Variants in NBPF4 observed in about 807,000 individuals in gnomAD.
NBPF4 encodes the protein NBPF member 4, also known as NBPF family member NBPF4.
Under a neutral mutation model 21.1 loss-of-function variants are expected in NBPF4, and 11 were observed. The observed-to-expected ratio is 0.52, with a 90% CI of 0.33 to 0.86. The LOEUF is 0.86. NBPF4 is among the 40% of genes least tolerant of loss of function. The pLI is 0.03. For synonymous variants in NBPF4, 47 were observed against 106.4 expected, an observed-to-expected ratio of 0.44 and a Z score of 3.43; for missense variants, 88 against 265.3, an observed-to-expected ratio of 0.33 and a Z score of 4.64.
chr1:108,244,914 A>ATG (rs1649783051), upstream of NBPF4, among the ~76,000 whole-genome samples: 1 of 35,938 alleles, frequency 2.8e-5, no homozygotes, highest in Non-Finnish European at 5.2e-5. Context: ...ATATATATAT[A>ATG]TATATATATA....
At chr1:108,266,101 G>A in the NBPF4 span, among the ~76,000 whole-genome samples, 3 of 127,622 alleles carry the variant, frequency 2.4e-5, no homozygotes, top group Non-Finnish European at 3.2e-5. Context: ...GAAGGAGATA[G>A]AAACATGAAA....
Position 108,241,321 on chromosome 1 carries a change from A to AATAT in NBPF4, c.279-161_279-158dup, listed in dbSNP as rs3069056. On this transcript the variant is annotated intron_variant, in intron 3 of 14. Transcript: ENST00000415641. Reference sequence around the variant, plus strand: ...AATGTCTGTGGCCAAGAGAAAGAAGAATATATATATATATATATACACACA... The same window carrying AATAT: ...AATGTCTGTGGCCAAGAGAAAGAAGAATATATATATATATATATATATACACACA... Among the ~76,000 whole-genome samples, 216 of 124,492 alleles carry AATAT rather than the reference A, an allele frequency of 1.7e-3. 20 individuals are homozygous for AATAT. The highest frequency in any genetic ancestry group is 5.9e-3 in the African/African-American group (193 of 32,446). 81.7% of individuals were successfully genotyped at this position (124,492 alleles called of 152,430 possible).
upstream of NBPF4, among the ~76,000 whole-genome samples, chr1:108,247,977 C>CTT (rs1450807036): frequency 1.3e-5 from 2 of 151,382 alleles, no homozygotes; most frequent in African/African-American, 4.9e-5. Flanking sequence ...CCATTTCTGG[C>CTT]TATTTTTTTT....
rs1290408390 is a variant in NBPF4, at chr1:108,229,159, G to A, written c.1424-3C>T. The A allele has an allele frequency of 5.9e-6, 9 of 1,538,174 alleles. No individual in the cohort carries two copies. The East Asian group carries it at 7.4e-5, about 13-fold the overall frequency. ...GGGACAGGCCGCCTCGGTGGGGGCT[G>A]AAAGGAGAAGGGGCTTCAGTAGGAA... On this transcript the variant is annotated splice_polypyrimidine_tract_variant and splice_region_variant and intron_variant, in intron 12 of 14. Coordinates refer to ENST00000415641, the MANE Select transcript of NBPF4 (RefSeq NM_001143989.3).
chr1:108,225,032 G>A (rs1649429305), intron 14 of NBPF4, among the ~76,000 whole-genome samples: 4 of 121,454 alleles, frequency 3.3e-5, no homozygotes, highest in African/African-American at 1.2e-4. Flanking sequence ...AAATGGGTGT[G>A]GGGAAATGTA....
chr1:108,244,941 TATATATACAC>T (rs1420273018), upstream of NBPF4, among the ~76,000 whole-genome samples: 274 of 37,144 alleles, frequency 7.4e-3, 36 homozygotes, highest in African/African-American at 0.024. Flanking sequence ...TATATATATA[TATATATACAC>T]ACACATATAG....
At chr1:108,264,356 A>G in the NBPF4 span, among the ~76,000 whole-genome samples, 2 of 103,114 alleles carry the variant, frequency 1.9e-5, no homozygotes, top group African/African-American at 8.6e-5. Flanking sequence ...CTAAATATAC[A>G]TGCACCCAAT....
At chr1:108,223,777 T>C (rs1309871179) in intron 14 of NBPF4, 31 bp from the exon 15 acceptor site, 3 of 1,544,084 alleles carry the variant, frequency 1.9e-6, no homozygotes, top group Non-Finnish European at 2.6e-6. Context: ...AAAAATCAAA[T>C]GAGCATTTTT....
At chr1:108,223,914 A>G (rs1649395994) in intron 14 of NBPF4, among the ~76,000 whole-genome samples, 168 bp from the exon 15 acceptor site, 1 of 151,752 alleles carries the variant, frequency 6.6e-6, no homozygotes, top group East Asian at 1.9e-4. Context: ...CACCATCCAC[A>G]AGTGAGAAGA....
At chr1:108,241,496 G>A (rs1571328132) in intron 3 of NBPF4, among the ~76,000 whole-genome samples, 3 of 147,114 alleles carry the variant, frequency 2.0e-5, no homozygotes, top group Non-Finnish European at 3.0e-5. Flanking sequence ...ACAAAAGTTA[G>A]TGTCTTCCTA....
At position 108,223,521 on chromosome 1, in the gene NBPF4, G is replaced by T. The variant is rs1349128587; in HGVS notation, c.*184C>A. The stretch of plus-strand genomic sequence containing the variant: ...TCTCCCTAGGTATTGATCACAATTG[G>T]AGGGGGATGGAATGTGGCTTCTCAA... On this transcript the variant is annotated 3_prime_UTR_variant, in exon 15 of 15. Coordinates refer to ENST00000415641, the MANE Select transcript of NBPF4 (RefSeq NM_001143989.3). The T allele has an allele frequency of 1.8e-5, 12 of 682,018 alleles. No individual in the cohort carries two copies. The highest frequency in any genetic ancestry group is 2.8e-5 in the Non-Finnish European group (11 of 386,152). 42.2% of individuals were successfully genotyped at this position (682,018 alleles called of 1,614,324 possible).
In NBPF4 at chr1:108,223,436, G is replaced by A. The variant is rs1039247362; in HGVS notation, c.*269C>T. 17 of 409,280 alleles carry A rather than the reference G, an allele frequency of 4.2e-5. No homozygotes were observed. Among genetic ancestry groups the A allele is most frequent in the Non-Finnish European group, 7.1e-5 (16 of 224,062 alleles). The allele number at this position is 409,280 out of a possible 1,614,324, so 25.4% of individuals were successfully genotyped here. On this transcript the variant is annotated 3_prime_UTR_variant, in exon 15 of 15. Coordinates refer to ENST00000415641, the MANE Select transcript of NBPF4 (RefSeq NM_001143989.3). ...AGCTGCGGACTCCTGTTCTCTACAC[G>A]ATGGGAATTGAGAAACAGGGCTAAC...
chr1:108,265,842 T>G, the NBPF4 span, among the ~76,000 whole-genome samples: 3 of 32,398 alleles, frequency 9.3e-5, no homozygotes, highest in Non-Finnish European at 1.6e-4. Context: ...ATTGAACAAT[T>G]AGAACACATG....
intron 14 of NBPF4, among the ~76,000 whole-genome samples, chr1:108,226,174 T>C (rs1441258136): frequency 6.7e-6 from 1 of 148,720 alleles, no homozygotes; most frequent in Non-Finnish European, 1.5e-5. Flanking sequence ...TGCTTAGTTT[T>C]AACACTTCTC....
At chr1:108,257,909 C>T in the NBPF4 span, among the ~76,000 whole-genome samples, 131 of 142,292 alleles carry the variant, frequency 9.2e-4, no homozygotes, top group Non-Finnish European at 1.5e-3. Flanking sequence ...TCACCATGCC[C>T]GGCTAAGTTT....
the NBPF4 span, among the ~76,000 whole-genome samples, chr1:108,259,560 A>G: frequency 6.9e-6 from 1 of 144,356 alleles, no homozygotes; most frequent in African/African-American, 2.7e-5. Context: ...TCCTTCTTTT[A>G]CCTGTTCCTA....
chr1:108,257,762 C>CTTTTTTTTTTTTTTTTT, the NBPF4 span, among the ~76,000 whole-genome samples: 57 of 54,774 alleles, frequency 1.0e-3, no homozygotes, highest in East Asian at 3.2e-3. Context: ...CTTTTCTTTT[C>CTTTTTTTTTTTTTTTTT]TTTTTTTTTT....
Position 108,229,152 on chromosome 1 carries a change from G to T in NBPF4, c.1428C>A (p.Pro476=), listed in dbSNP as rs1252968634. Residue 476 remains proline (P), a synonymous_variant, in exon 13 of 15, where the codon CCC becomes CCA. Coordinates refer to ENST00000415641, the MANE Select transcript of NBPF4 (RefSeq NM_001143989.3). ...TCCCTTGGGGACAGGCCGCCTCGGT[G>T]GGGGCTGAAAGGAGAAGGGGCTTCA... ...LACSALDVAS[P]TEAACPQGTW... The T allele has an allele frequency of 3.9e-6, 6 of 1,549,570 alleles. No individual in the cohort carries two copies. Among genetic ancestry groups the T allele is most frequent in the Middle Eastern group, 1.7e-4 (1 of 5,922 alleles).
upstream of NBPF4, among the ~76,000 whole-genome samples, chr1:108,244,955 C>T (rs1337969956): frequency 1.0e-3 from 74 of 72,292 alleles, no homozygotes; most frequent in African/African-American, 3.1e-3. Context: ...TATACACACA[C>T]ATATAGAGTT....
Sources: gnomAD v4.1 joint callset for allele counts (sites outside exome capture counted in the v4.1 genomes callset) on GRCh38, gnomAD v4.1.1 for gene constraint, MANE v1.5 for transcripts, NCBI Gene and HGNC (gene_info 2026-07-23, HGNC 2026-07-21) for gene names.